Variants in VWCE observed in about 807,000 individuals in gnomAD.
VWCE encodes von Willebrand factor C and EGF domains.
VWCE carries 68 observed loss-of-function variants against 102.9 expected under a neutral mutation model. That is an observed-to-expected ratio of 0.66 (90% CI 0.54 to 0.81). The LOEUF is 0.81. Ranked by LOEUF, VWCE falls within the 30% of genes least tolerant of loss-of-function variation. The pLI, the probability that VWCE is intolerant of heterozygous loss-of-function variation, is 0.00. For synonymous variants in VWCE, 497 were observed against 515.4 expected (o/e 0.96, Z 0.48); for missense variants, 1,137 against 1,263.6 (o/e 0.90, Z 1.52).
Position 61,281,778 on chromosome 11 carries a change from G to T in VWCE, c.787+8C>A. Reference sequence around the variant, plus strand: ...CCAGCCGCCGGGATGGAGGGGCCTGGCGCTCACCTTCACAGGACACGCGGT... The same window carrying T: ...CCAGCCGCCGGGATGGAGGGGCCTGTCGCTCACCTTCACAGGACACGCGGT... On this transcript the variant is annotated splice_region_variant and intron_variant, in intron 7 of 19. Coordinates refer to ENST00000335613, the MANE Select transcript of VWCE (RefSeq NM_152718.2). The T allele has an allele frequency of 6.2e-7, 1 of 1,608,132 alleles. No individual in the cohort carries two copies. Among genetic ancestry groups the T allele is most frequent in the Non-Finnish European group, 8.5e-7 (1 of 1,176,338 alleles).
rs192006507 is a variant in VWCE, at chr11:61,291,514, G to A, written c.173C>T (p.Ala58Val). 1.3e-4 allele frequency: 204 copies of A among 1,525,330 alleles called. No homozygotes were observed. The highest frequency in any genetic ancestry group is 1.2e-4 in the Non-Finnish European group (137 of 1,131,328). The allele number at this position is 1,525,330 out of a possible 1,614,324, so 94.5% of individuals were successfully genotyped here. A position where few individuals can be genotyped will look rare whatever the true frequency, so the allele number is the denominator to read the frequency against. Residue 58 changes from alanine to valine, a missense_variant, in exon 2 of 20, where the codon GCG becomes GTG. Around this residue, in one of 5 missense-constraint regions of VWCE, gnomAD observed 575 missense variants for 625.9 expected, o/e 0.92. Coordinates refer to ENST00000335613, the MANE Select transcript of VWCE (RefSeq NM_152718.2). ...GCAGTGCCCACCACCCATAGAGGGC[G>A]CCCAGCCAGGGCAGCAGCCACTCCC... ...GFGSGCCPGWAPSMGGGHCTL... is the reference protein window; with the variant it reads ...GFGSGCCPGWVPSMGGGHCTL...
chr11:61,278,568 G>A, intron 9 of VWCE, 92 bp from the exon 10 acceptor site: 1 of 1,210,064 alleles, frequency 8.3e-7, no homozygotes, highest in East Asian at 2.4e-5. Context: ...TAATGTACCT[G>A]GAACATTCTC....
Position 61,268,945 on chromosome 11 carries a change from T to C in VWCE, c.1859A>G (p.Gln620Arg), listed in dbSNP as rs1854590017. The C allele has an allele frequency of 1.2e-6, 2 of 1,614,034 alleles. No homozygotes were observed. The highest frequency in any genetic ancestry group is 2.7e-5 in the African/African-American group (2 of 74,946). Residue 620 changes from glutamine to arginine, a missense_variant, in exon 15 of 20, where the codon CAG becomes CGG. Physicochemically the swap from Gln to Arg is conservative, Grantham distance 43 (BLOSUM62 1). Around this residue, in one of 5 missense-constraint regions of VWCE, gnomAD observed 212 missense variants for 235.1 expected, o/e 0.90. Transcript: ENST00000335613. ...SCPHPIRIPG[Q>R]CCPDCSAGCT... Reference sequence around the variant, plus strand: ...ACCTGCTGAACAGTCTGGGCAGCACTGTCCAGGGATCCGGATCGGGTGAGG... The same window carrying C: ...ACCTGCTGAACAGTCTGGGCAGCACCGTCCAGGGATCCGGATCGGGTGAGG...
intron 13 of VWCE, 48 bp downstream of exon 13, chr11:61,273,151 C>G: frequency 6.3e-7 from 1 of 1,582,668 alleles, no homozygotes; most frequent in Non-Finnish European, 8.7e-7. Context: ...CTCAGCCTCT[C>G]TCCCCAGTAT....
At chr11:61,267,145 C>T (rs1854538176) in intron 16 of VWCE, among the ~76,000 whole-genome samples, 1 of 152,164 alleles carries the variant, frequency 6.6e-6, no homozygotes, top group Non-Finnish European at 1.5e-5. Flanking sequence ...GTGGTCCCAG[C>T]TACTTGGGAG....
At position 61,258,659 on chromosome 11, in the gene VWCE, G is replaced by A. The variant is rs183114794; in HGVS notation, c.*16C>T. On this transcript the variant is annotated 3_prime_UTR_variant, in exon 20 of 20. Transcript: ENST00000335613. ...AGAGGTCCTCTCTCCAGAGTCTCCC[G>A]GACACAGTGACCTCCTTACATGGTG... 7.6e-5 allele frequency: 104 copies of A among 1,368,104 alleles called. No homozygotes were observed. The East Asian group carries it at 2.2e-3, about 29-fold the overall frequency. 84.7% of individuals were successfully genotyped at this position (1,368,104 alleles called of 1,614,324 possible). A position where few individuals can be genotyped will look rare whatever the true frequency, so the allele number is the denominator to read the frequency against.
At chr11:61,269,135 A>C in intron 14 of VWCE, 117 bp from the exon 15 acceptor site, 1 of 905,772 alleles carries the variant, frequency 1.1e-6, no homozygotes, top group Non-Finnish European at 1.7e-6. Context: ...GAAAGGCAAC[A>C]TGACGCGGCT....
At position 61,290,754 on chromosome 11, in the gene VWCE, C is replaced by T. The variant is rs116767489; in HGVS notation, c.424+45G>A. On this transcript the variant is annotated intron_variant, in intron 4 of 19. Transcript: ENST00000335613. ...GGCAGGAGGGGGAGGAGATATAATT[C>T]CCGCTGTCCCCCTCCCCCTCCCCCA... 2,017 of 1,565,308 alleles carry T rather than the reference C, an allele frequency of 1.3e-3. 31 individuals are homozygous for T. In the African/African-American group the frequency reaches 0.025, roughly 19 times the overall value.
At chr11:61,264,455 G>A (rs372315418) in intron 19 of VWCE, 32 bp downstream of exon 19, 29 of 1,595,584 alleles carry the variant, frequency 1.8e-5, no homozygotes, top group Middle Eastern at 1.6e-4. Context: ...AGAAGATGGC[G>A]GAGAAACTCC....
Position 61,259,074 on chromosome 11 carries a change from T to C in VWCE, c.2469A>G (p.Pro823=). Residue 823 remains proline, a synonymous_variant, in exon 20 of 20, where the codon CCA becomes CCG. Coordinates refer to ENST00000335613, the MANE Select transcript of VWCE (RefSeq NM_152718.2). ...CTGTCAGCCCCAAAGCGAGTGAGTG[T>C]GGACCATGAGCTCCTGCCGGGCTTG... The part of the protein sequence containing the change: ...LPTSPAGAHG[P]HSLALGLTAT... 1 of 1,613,984 alleles carries C rather than the reference T, an allele frequency of 6.2e-7. No homozygotes were observed. Among genetic ancestry groups the C allele is most frequent in the South Asian group, 1.1e-5 (1 of 91,084 alleles).
At chr11:61,267,697 G>A (rs1162168109) in intron 15 of VWCE, among the ~76,000 whole-genome samples, 153 bp from the exon 16 acceptor site, 1 of 152,174 alleles carries the variant, frequency 6.6e-6, no homozygotes, top group Non-Finnish European at 1.5e-5. Context: ...GGGACAAAAC[G>A]CCTGTTTGGA....
At chr11:61,270,380 A>G (rs1424544326) in intron 14 of VWCE, among the ~76,000 whole-genome samples, 1 of 152,190 alleles carries the variant, frequency 6.6e-6, no homozygotes, top group Non-Finnish European at 1.5e-5. Context: ...AGGGCTCCCA[A>G]CGCAGGTGCA....
In VWCE at chr11:61,264,541, G is replaced by T. The variant is rs565162450; in HGVS notation, c.2176C>A (p.Arg726=). ...AGCAGGGCAGGGTCGGCACAGGCCC[G>T]CTGGCAGGGAACCTTCTCACAGCTC... ...EVSCEKVPCQ[R]ACADPALLPG... Residue 726 remains arginine (R), a synonymous_variant, in exon 19 of 20, where the codon CGG becomes AGG. Transcript: ENST00000335613. 2.5e-6 allele frequency: 4 copies of T among 1,612,568 alleles called. No individual in the cohort carries two copies. The highest frequency in any genetic ancestry group is 3.4e-6 in the Non-Finnish European group (4 of 1,179,456).
At chr11:61,281,965 C>G (rs776716020) in intron 6 of VWCE, 51 bp from the exon 7 acceptor site, 1 of 1,582,870 alleles carries the variant, frequency 6.3e-7, no homozygotes, top group African/African-American at 1.3e-5. Flanking sequence ...CTACGGAGCC[C>G]TTCTTCCGCC....
At chr11:61,268,897 G>T in intron 15 of VWCE, 25 bp downstream of exon 15, 1 of 1,610,126 alleles carries the variant, frequency 6.2e-7, no homozygotes, top group Non-Finnish European at 8.5e-7. Flanking sequence ...TGCCCTGGGG[G>T]CTTGGGGCAG....
chr11:61,288,326 G>A (rs923147492), intron 4 of VWCE, among the ~76,000 whole-genome samples: 14 of 152,094 alleles, frequency 9.2e-5, no homozygotes, highest in African/African-American at 2.7e-4. Context: ...CCAAAGATCC[G>A]CAGCAGCTTC....
At chr11:61,273,175 C>G (rs191438210) in intron 13 of VWCE, 24 bp downstream of exon 13, 1 of 1,611,192 alleles carries the variant, frequency 6.2e-7, no homozygotes. Flanking sequence ...TGCCCTGTGT[C>G]GGGGCAGCCC....
chr11:61,281,713 A>AT, intron 7 of VWCE, 73 bp downstream of exon 7: 1 of 1,418,796 alleles, frequency 7.0e-7, no homozygotes, highest in Non-Finnish European at 9.4e-7. Context: ...GGGCCAGGCT[A>AT]TGGGGGGGCG....
rs1217952712 is a variant in VWCE, at chr11:61,265,170, A to G, written c.2008T>C (p.Cys670Arg). Reference sequence around the variant, plus strand: ...CCGTCAGGGTGGAAAGGGTAGGTACAGGTGATGGGGCAGTCCACGGGGGAA... The same window carrying G: ...CCGTCAGGGTGGAAAGGGTAGGTACGGGTGATGGGGCAGTCCACGGGGGAA... ...ACSPVDCPIT[C>R]TYPFHPDGEC... is the part of the protein sequence containing the mutation. Residue 670 changes from cysteine to arginine, a missense_variant, in exon 17 of 20, where the codon TGT becomes CGT. By Grantham distance (180) the Cys-to-Arg change is radical (BLOSUM62 -3). Coordinates refer to ENST00000335613, the MANE Select transcript of VWCE (RefSeq NM_152718.2). 6.5e-7 allele frequency: 1 copy of G among 1,545,072 alleles called. No homozygotes were observed. The highest frequency in any genetic ancestry group is 8.7e-7 in the Non-Finnish European group (1 of 1,144,930).
Sources: allele counts gnomAD v4.1 joint callset (sites outside exome capture counted in the v4.1 genomes callset), GRCh38; gene constraint gnomAD v4.1.1; regional missense constraint gnomAD v4.1.1; transcripts MANE v1.5; gene names NCBI Gene and HGNC (gene_info 2026-07-23, HGNC 2026-07-21).